The following CEACAM19 variants were observed in gnomAD, a reference collection of about 807,000 sequenced individuals.
The protein encoded by CEACAM19 is cell adhesion molecule CEACAM19.
CEACAM19 carries 37 observed loss-of-function variants against 37.6 expected under a neutral mutation model. The observed-to-expected ratio is 0.98, with a 90% CI of 0.76 to 1.29. The LOEUF is 1.29. Ranked by LOEUF, CEACAM19 falls within the 50% of genes most tolerant of loss-of-function variation. The probability of loss-of-function intolerance (pLI) is 0.00; values close to 1 mark genes in which losing one functional copy is unlikely to be tolerated. For missense variants in CEACAM19, 340 were observed against 375.6 expected (o/e 0.91, Z 0.78); for synonymous variants, 140 against 149.8 (o/e 0.93, Z 0.48).
At chr19:44,675,653 G>A (rs192242757) in intron 2 of CEACAM19, among the ~76,000 whole-genome samples, 113 of 152,204 alleles carry the variant, frequency 7.4e-4, no homozygotes, top group African/African-American at 2.7e-3. Context: ...AGGAGTGGTA[G>A]TGTGTGCCTG....
intron 6 of CEACAM19, among the ~76,000 whole-genome samples, chr19:44,681,879 G>C (rs1374613974): frequency 6.6e-6 from 1 of 151,654 alleles, no homozygotes; most frequent in Non-Finnish European, 1.5e-5. Context: ...GCAGTAAGCC[G>C]AGGTCATGCC....
At position 44,676,382 on chromosome 19, in the gene CEACAM19, A is replaced by G. The variant is rs777797939; in HGVS notation, c.536A>G (p.Tyr179Cys). 53 of 1,613,862 alleles carry G rather than the reference A, an allele frequency of 3.3e-5. 2 individuals carry two copies. Among genetic ancestry groups the G allele is most frequent in the Admixed American group, 2.7e-4 (16 of 59,968 alleles). ...AGALLISCIA[Y>C]LLVTRNWRGQ... is the part of the protein sequence containing the mutation. ...GCCCTTCTCATCAGCTGCATTGCCT[A>G]TCTCCTGGTGACAAGGAACTGGAGG... The change falls in exon 3 of 8, where the codon TAT becomes TGT. Residue 179 changes from tyrosine (Y) to cysteine (C), a missense_variant. Coordinates refer to ENST00000358777, the MANE Select transcript of CEACAM19 (RefSeq NM_001127893.3).
Position 44,671,963 on chromosome 19 carries a change from T to G in CEACAM19, c.32T>G (p.Phe11Cys). MEIPMGTQGC[F>C]SKSLLLSASI... The stretch of plus-strand genomic sequence containing the variant: ...ATTCCCATGGGGACCCAGGGCTGCT[T>G]CTCAAAGAGCCTCCTGCTCTCAGGT... The change falls in exon 1 of 8, where the codon TTC (phenylalanine) becomes TGC (cysteine). Residue 11 changes from phenylalanine to cysteine, a missense_variant. By Grantham distance (205) the Phe-to-Cys change is radical (BLOSUM62 -2). Coordinates refer to ENST00000358777, the MANE Select transcript of CEACAM19 (RefSeq NM_001127893.3). 2 of 1,606,908 alleles carry G rather than the reference T, an allele frequency of 1.2e-6. No homozygotes were observed. Among genetic ancestry groups the G allele is most frequent in the Non-Finnish European group, 1.7e-6 (2 of 1,176,980 alleles).
Position 44,683,558 on chromosome 19 carries a change from G to A in CEACAM19, c.*68G>A. The A allele has an allele frequency of 1.9e-6, 2 of 1,040,628 alleles. No homozygotes were observed. Among genetic ancestry groups the A allele is most frequent in the South Asian group, 3.5e-5 (2 of 57,660 alleles). The allele number at this position is 1,040,628 out of a possible 1,614,324, so 64.5% of individuals were successfully genotyped here. ...GCCCTCCTCTGGGAGCCTCACACCT[G>A]AGACCAGCAGGACAAGGCCATTGGG... On this transcript the variant is annotated 3_prime_UTR_variant, in exon 8 of 8. Coordinates refer to ENST00000358777, the MANE Select transcript of CEACAM19 (RefSeq NM_001127893.3).
intron 2 of CEACAM19, 101 bp downstream of exon 2, chr19:44,673,065 A>C: frequency 3.5e-5 from 36 of 1,024,504 alleles, no homozygotes; most frequent in Non-Finnish European, 4.4e-5. Context: ...TGGTCCTCTC[A>C]TTTATTCACT....
Position 44,682,614 on chromosome 19 carries a change from G to A in CEACAM19, c.840G>A (p.Gln280=). The A allele has an allele frequency of 6.2e-7, 1 of 1,603,906 alleles. No homozygotes were observed. The highest frequency in any genetic ancestry group is 8.5e-7 in the Non-Finnish European group (1 of 1,175,460). The change falls in exon 7 of 8, where the codon CAG becomes CAA. Residue 280 remains glutamine, a synonymous_variant. Coordinates refer to ENST00000358777, the MANE Select transcript of CEACAM19 (RefSeq NM_001127893.3). ...TGCAGGCGGAGCCAGAGAACCACCA[G>A]TACCAGGTATGGAGCTGGGAGCTGG... is the stretch of plus-strand genomic sequence containing the variant. ...PHLQAEPENH[Q]YQDLLNPDPA... is the part of the protein sequence containing the mutation.
rs1973945559 is a variant in CEACAM19, at chr19:44,676,220, C to A, written c.425-51C>A. On this transcript the variant is annotated intron_variant, in intron 2 of 7. Coordinates refer to ENST00000358777, the MANE Select transcript of CEACAM19 (RefSeq NM_001127893.3). ...GTCGGTGAGGGACTGGGGGAGCCCTCAGGAGACATCGCACAGTCCCCCCTC... is the reference window on the plus strand; with the variant it reads ...GTCGGTGAGGGACTGGGGGAGCCCTAAGGAGACATCGCACAGTCCCCCCTC... 3 of 1,592,102 alleles carry A rather than the reference C, an allele frequency of 1.9e-6. No individual in the cohort carries two copies. In the East Asian group the frequency reaches 6.7e-5, roughly 36 times the overall value.
At chr19:44,666,547 A>G (rs543178404), upstream of CEACAM19, among the ~76,000 whole-genome samples, 20 of 152,256 alleles carry the variant, frequency 1.3e-4, no homozygotes, top group South Asian at 3.1e-3. Flanking sequence ...GCGTGCGCCT[A>G]TAGTCCCAGC....
At chr19:44,681,978 G>A (rs1283158744) in intron 6 of CEACAM19, among the ~76,000 whole-genome samples, 1 of 151,882 alleles carries the variant, frequency 6.6e-6, no homozygotes, top group African/African-American at 2.4e-5. Flanking sequence ...AAACTTAGCT[G>A]GGCATGATGG....
At position 44,682,821 on chromosome 19, in the gene CEACAM19, C is replaced by T. The variant is rs566174417; in HGVS notation, c.846+201C>T. The T allele has an allele frequency of 1.7e-5, 9 of 537,764 alleles. No individual in the cohort carries two copies. The South Asian group carries it at 2.2e-4, about 13-fold the overall frequency. The allele number at this position is 537,764 out of a possible 1,614,324, so 33.3% of individuals were successfully genotyped here. A position where few individuals can be genotyped will look rare whatever the true frequency, so the allele number is the denominator to read the frequency against. On this transcript the variant is annotated intron_variant, in intron 7 of 7. Coordinates refer to ENST00000358777, the MANE Select transcript of CEACAM19 (RefSeq NM_001127893.3). The stretch of plus-strand genomic sequence containing the variant: ...CAAGTCCCTTTTCCTCCCAAGGCTG[C>T]AATTTCCTTCTTTGCAAAAGGGATC...
chr19:44,668,494 TTATA>T (rs1187145534), upstream of CEACAM19, among the ~76,000 whole-genome samples: 1 of 59,498 alleles, frequency 1.7e-5, no homozygotes, highest in Non-Finnish European at 2.8e-5. Context: ...ATTATATATA[TTATA>T]TATATTATAT....
At chr19:44,668,700 T>TTA (rs1555767435), upstream of CEACAM19, among the ~76,000 whole-genome samples, 70 of 81,768 alleles carry the variant, frequency 8.6e-4, 5 homozygotes, top group African/African-American at 5.2e-3. Flanking sequence ...ATATTATATA[T>TTA]TATATTATAT....
chr19:44,676,380 C>G lies in CEACAM19; in HGVS notation c.534C>G (p.Ala178=). The G allele has an allele frequency of 1.9e-6, 3 of 1,614,130 alleles. No individual in the cohort carries two copies. Among genetic ancestry groups the G allele is most frequent in the Non-Finnish European group, 2.5e-6 (3 of 1,180,024 alleles). Residue 178 remains alanine (A), a synonymous_variant, in exon 3 of 8, where the codon GCC becomes GCG. Transcript: ENST00000358777. ...AAGALLISCI[A]YLLVTRNWRG... is the part of the protein sequence containing the mutation. ...GGGCCCTTCTCATCAGCTGCATTGC[C>G]TATCTCCTGGTGACAAGGAACTGGA...
At chr19:44,682,939 C>G (rs1974088566) in intron 7 of CEACAM19, 2 of 348,680 alleles carry the variant, frequency 5.7e-6, no homozygotes, top group East Asian at 1.3e-4. Flanking sequence ...CAGTGAAACC[C>G]CACCGCAGAG....
Position 44,678,871 on chromosome 19 carries a change from C to T in CEACAM19, c.594C>T (p.Gly198=), listed in dbSNP as rs768597256. ...ACCCTAGACTGCCTGCTCCGAGGGG[C>T]CAGGGATCTCTGTCCATCTTGTGCT... The part of the protein sequence containing the change: ...GQSHRLPAPR[G]QGSLSILCSA... The change falls in exon 4 of 8, where the codon GGC becomes GGT. Residue 198 remains glycine (G), a synonymous_variant. Transcript: ENST00000358777. The T allele has an allele frequency of 6.2e-7, 1 of 1,614,000 alleles. No individual in the cohort carries two copies. The highest frequency in any genetic ancestry group is 8.5e-7 in the Non-Finnish European group (1 of 1,179,948).
chr19:44,671,206 C>G (rs990610653), upstream of CEACAM19: 4 of 153,084 alleles, frequency 2.6e-5, no homozygotes, highest in African/African-American at 9.7e-5. Context: ...CCTGCAACCC[C>G]TGCCTCCCAA....
intron 4 of CEACAM19, among the ~76,000 whole-genome samples, chr19:44,679,402 C>T (rs968281624): frequency 3.3e-5 from 5 of 151,978 alleles, no homozygotes; most frequent in Admixed American, 6.6e-5. Context: ...GTCAGGAGTT[C>T]GAGACCAACC....
chr19:44,682,467 TG>T, intron 6 of CEACAM19, 99 bp from the exon 7 acceptor site: 2 of 1,205,772 alleles, frequency 1.7e-6, no homozygotes, highest in Non-Finnish European at 2.4e-6. Context: ...CTGGGAGGGG[TG>T]ATGGGGACTT....
Position 44,683,926 on chromosome 19 carries a change from G to C in CEACAM19, c.*436G>C, listed in dbSNP as rs1974111396. 1 of 157,560 alleles carries C rather than the reference G, an allele frequency of 6.3e-6. No individual in the cohort carries two copies. Among genetic ancestry groups the C allele is most frequent in the Non-Finnish European group, 1.4e-5 (1 of 71,884 alleles). 9.8% of individuals were successfully genotyped at this position (157,560 alleles called of 1,614,324 possible). On this transcript the variant is annotated 3_prime_UTR_variant, in exon 8 of 8. Transcript: ENST00000358777. ...TGACCCTCAGAGTCTTCTCCCCTTA[G>C]GACAAGGCAGACACCCCACCATGCG...
Sources: gnomAD v4.1 joint callset for allele counts (sites outside exome capture counted in the v4.1 genomes callset) on GRCh38, gnomAD v4.1.1 for gene constraint, MANE v1.5 for transcripts, NCBI Gene and HGNC (gene_info 2026-07-23, HGNC 2026-07-21) for gene names.